ARB2A: variants seen among roughly 807,000 people sequenced by gnomAD.
ARB2A encodes ARB2 cotranscriptional regulator A, also known as cotranscriptional regulator ARB2A.
chr5:93,895,704 GA>G, the ARB2A span, among the ~76,000 whole-genome samples: 1 of 152,000 alleles, frequency 6.6e-6, no homozygotes, highest in African/African-American at 2.4e-5. Context: ...AGTGGTCACA[GA>G]AATCATTGAA....
chr5:93,681,695 T>G, the ARB2A span, among the ~76,000 whole-genome samples: 1 of 152,192 alleles, frequency 6.6e-6, no homozygotes, highest in African/African-American at 2.4e-5. Flanking sequence ...GTGGCTACAT[T>G]GCATAAGTTC....
the ARB2A span, among the ~76,000 whole-genome samples, chr5:93,961,402 G>C: frequency 6.6e-6 from 1 of 152,178 alleles, no homozygotes; most frequent in Non-Finnish European, 1.5e-5. Context: ...AGAACTGAAA[G>C]AAACTTATTT....
the ARB2A span, among the ~76,000 whole-genome samples, chr5:93,808,440 T>A: frequency 2.0e-5 from 3 of 151,628 alleles, no homozygotes; most frequent in South Asian, 6.2e-4. Flanking sequence ...CAGGTAGTTT[T>A]TGAACAAAGA....
the ARB2A span, among the ~76,000 whole-genome samples, chr5:94,092,846 T>G: frequency 9.9e-5 from 15 of 152,274 alleles, no homozygotes; most frequent in South Asian, 3.1e-3. Flanking sequence ...ATCCTTTAAC[T>G]CTACAGCCCT....
chr5:94,018,188 G>A, the ARB2A span, among the ~76,000 whole-genome samples: 1 of 152,172 alleles, frequency 6.6e-6, no homozygotes, highest in African/African-American at 2.4e-5. Context: ...AATGACTGAA[G>A]TCTCAATAAA....
At chr5:93,778,246 A>G in the ARB2A span, among the ~76,000 whole-genome samples, 2 of 152,220 alleles carry the variant, frequency 1.3e-5, no homozygotes, top group Non-Finnish European at 2.9e-5. Context: ...ATAGGGTTTT[A>G]GAAGATATTT....
the ARB2A span, among the ~76,000 whole-genome samples, chr5:93,766,195 A>G: frequency 6.3e-4 from 96 of 152,180 alleles, no homozygotes; most frequent in Non-Finnish European, 1.0e-3. Context: ...AATGGGATCT[A>G]ATTAAACTAA....
chr5:93,678,835 T>C, the ARB2A span, among the ~76,000 whole-genome samples: 20 of 152,268 alleles, frequency 1.3e-4, no homozygotes, highest in African/African-American at 4.6e-4. Context: ...GCAAGCCATT[T>C]TGTAAATATT....
the ARB2A span, among the ~76,000 whole-genome samples, chr5:93,924,196 G>A: frequency 0.87 from 133,036 of 152,070 alleles, 59,350 homozygotes; most frequent in East Asian, 1. Context: ...GATCATTTTT[G>A]AAACCACTAA....
chr5:93,908,203 AAATT>A, the ARB2A span, among the ~76,000 whole-genome samples: 1 of 151,220 alleles, frequency 6.6e-6, no homozygotes, highest in Admixed American at 6.6e-5. Context: ...AGAAAATAGA[AAATT>A]AGGCTATTAT....
the ARB2A span, among the ~76,000 whole-genome samples, chr5:93,779,271 A>T: frequency 2.6e-5 from 4 of 152,210 alleles, no homozygotes; most frequent in Non-Finnish European, 4.4e-5. Flanking sequence ...TACAGCTATT[A>T]TATCTAAATT....
chr5:94,058,187 C>T, the ARB2A span, among the ~76,000 whole-genome samples: 7 of 151,654 alleles, frequency 4.6e-5, no homozygotes, highest in African/African-American at 1.7e-4. Flanking sequence ...AAAAAAGATA[C>T]AAATATTATA....
the ARB2A span, among the ~76,000 whole-genome samples, chr5:94,043,644 C>T: frequency 2.6e-5 from 4 of 152,188 alleles, no homozygotes; most frequent in South Asian, 8.3e-4. Context: ...AGTCCCTGTA[C>T]AGGGTTTCTG....
the ARB2A span, among the ~76,000 whole-genome samples, chr5:93,844,915 T>A: frequency 9.9e-3 from 1,504 of 152,372 alleles, 25 homozygotes; most frequent in African/African-American, 0.035. Context: ...CACGCTTTGC[T>A]GCAGTATCAG....
At chr5:93,782,226 T>C in the ARB2A span, among the ~76,000 whole-genome samples, 2 of 152,206 alleles carry the variant, frequency 1.3e-5, no homozygotes, top group Non-Finnish European at 2.9e-5. Context: ...GTGTTTTCAA[T>C]GATAACACAT....
chr5:94,102,734 A>T, the ARB2A span, among the ~76,000 whole-genome samples: 1 of 152,074 alleles, frequency 6.6e-6, no homozygotes, highest in African/African-American at 2.4e-5. Context: ...TCCATGGTCA[A>T]AGTGAAAGAA....
chr5:93,728,028 A>C, the ARB2A span, among the ~76,000 whole-genome samples: 2 of 152,138 alleles, frequency 1.3e-5, no homozygotes, highest in Non-Finnish European at 2.9e-5. Flanking sequence ...TAAGGATTTC[A>C]GTATTCACAG....
chr5:93,776,611 C>A, the ARB2A span, among the ~76,000 whole-genome samples: 1 of 152,182 alleles, frequency 6.6e-6, no homozygotes, highest in South Asian at 2.1e-4. Context: ...AACTCCTTCT[C>A]TACTAAAAAT....
chr5:94,082,997 G>A, the ARB2A span, among the ~76,000 whole-genome samples: 1 of 152,158 alleles, frequency 6.6e-6, no homozygotes, highest in Non-Finnish European at 1.5e-5. Context: ...AGGACTTGAA[G>A]CAGGAAAATT....
Sources: allele counts gnomAD v4.1 joint callset (sites outside exome capture counted in the v4.1 genomes callset), GRCh38; gene constraint gnomAD v4.1.1; transcripts MANE v1.5; gene names NCBI Gene and HGNC (gene_info 2026-07-23, HGNC 2026-07-21).